The following MSI2 variants were observed in gnomAD, a reference collection of about 807,000 sequenced individuals.
MSI2 encodes musashi RNA binding protein 2.
A neutral mutation model predicts 45.6 loss-of-function variants in MSI2; 17 were observed. The observed-to-expected ratio is 0.37, with a 90% CI of 0.26 to 0.56. The LOEUF is 0.56. Among genes scored for constraint, MSI2 ranks in the 20% least tolerant of loss-of-function variants. The pLI, the probability that MSI2 is intolerant of heterozygous loss-of-function variation, is 0.77. For missense variants in MSI2, 293 were observed against 444.2 expected (o/e 0.66, Z 3.06); for synonymous variants, 156 against 158.2 (o/e 0.99, Z 0.11).
At chr17:57,428,886 T>C (rs1356811630) in intron 6 of MSI2, among the ~76,000 whole-genome samples, 1 of 152,198 alleles carries the variant, frequency 6.6e-6, no homozygotes, top group Non-Finnish European at 1.5e-5. Flanking sequence ...TCTGCTCTCC[T>C]AGTAATAATA....
At chr17:57,334,797 A>T (rs530677806) in intron 5 of MSI2, among the ~76,000 whole-genome samples, 19 of 152,060 alleles carry the variant, frequency 1.2e-4, no homozygotes, top group South Asian at 8.3e-4. Context: ...CCATCTCAAA[A>T]AAAAAAATAA....
intron 8 of MSI2, among the ~76,000 whole-genome samples, chr17:57,608,698 G>C (rs1906919776): frequency 6.6e-6 from 1 of 152,194 alleles, no homozygotes; most frequent in South Asian, 2.1e-4. Flanking sequence ...TTTTTGTCAT[G>C]GGCCCTGTTC....
At chr17:57,474,736 T>C (rs942828402) in intron 6 of MSI2, among the ~76,000 whole-genome samples, 1 of 142,432 alleles carries the variant, frequency 7.0e-6, no homozygotes, top group Non-Finnish European at 1.5e-5. Context: ...TTGTTTTTGT[T>C]TGGAGACAGT....
chr17:57,543,254 A>G (rs535157075), intron 7 of MSI2, among the ~76,000 whole-genome samples: 3 of 152,222 alleles, frequency 2.0e-5, no homozygotes, highest in African/African-American at 2.4e-5. Context: ...AACTAATGAG[A>G]ATTTTTTCTT....
chr17:57,484,572 T>G (rs1254516380), intron 6 of MSI2, among the ~76,000 whole-genome samples: 1 of 152,224 alleles, frequency 6.6e-6, no homozygotes, highest in African/African-American at 2.4e-5. Flanking sequence ...ATTAGAGAAG[T>G]GTGCCTTAAA....
chr17:57,320,073 A>G (rs941460826), intron 5 of MSI2, among the ~76,000 whole-genome samples: 13 of 151,872 alleles, frequency 8.6e-5, no homozygotes, highest in Non-Finnish European at 1.5e-4. Flanking sequence ...CTGGAATGAC[A>G]GTGCTTTCTT....
chr17:57,326,800 T>C (rs1401190145), intron 5 of MSI2, among the ~76,000 whole-genome samples: 1 of 152,210 alleles, frequency 6.6e-6, no homozygotes, highest in East Asian at 1.9e-4. Flanking sequence ...GTCATGTGGC[T>C]TGGAAGTGGA....
At chr17:57,396,038 A>T (rs1459765890) in intron 5 of MSI2, among the ~76,000 whole-genome samples, 1 of 152,202 alleles carries the variant, frequency 6.6e-6, no homozygotes, top group Non-Finnish European at 1.5e-5. Flanking sequence ...ATGAGGCATC[A>T]TCTGCAAACA....
At chr17:57,452,738 G>T (rs1236892791) in intron 6 of MSI2, among the ~76,000 whole-genome samples, 1 of 152,150 alleles carries the variant, frequency 6.6e-6, no homozygotes, top group Admixed American at 6.5e-5. Flanking sequence ...CCTAGAACAT[G>T]CCAGGAGCTG....
At chr17:57,699,555 TA>T in the MSI2 span, among the ~76,000 whole-genome samples, 1 of 152,052 alleles carries the variant, frequency 6.6e-6, no homozygotes, top group Non-Finnish European at 1.5e-5. Flanking sequence ...TATAATATTA[TA>T]CCCTTTCCCT....
intron 6 of MSI2, among the ~76,000 whole-genome samples, chr17:57,433,012 C>T (rs1472660627): frequency 1.3e-5 from 2 of 152,210 alleles, no homozygotes; most frequent in East Asian, 3.9e-4. Context: ...CTCCCTACTT[C>T]CTGCCACAGT....
chr17:57,605,433 G>A (rs1270233827), intron 8 of MSI2, among the ~76,000 whole-genome samples: 2 of 152,246 alleles, frequency 1.3e-5, no homozygotes, highest in African/African-American at 2.4e-5. Context: ...GGGCCAGGGA[G>A]GGCAGTGGTC....
the MSI2 span, among the ~76,000 whole-genome samples, chr17:57,692,841 T>C: frequency 3.3e-3 from 509 of 152,084 alleles, 7 homozygotes; most frequent in Non-Finnish European, 3.0e-3. Context: ...CTCTCTCTCT[T>C]TATCCTATCT....
At chr17:57,380,081 CGTGCTAGGGGGT>C (rs1415509237) in intron 5 of MSI2, among the ~76,000 whole-genome samples, 1 of 152,084 alleles carries the variant, frequency 6.6e-6, no homozygotes, top group African/African-American at 2.4e-5. Flanking sequence ...ACAGAGGTGC[CGTGCTAGGGGGT>C]GGGAGGAGGA....
intron 5 of MSI2, among the ~76,000 whole-genome samples, chr17:57,368,417 A>G (rs2083372104): frequency 6.6e-6 from 1 of 152,052 alleles, no homozygotes; most frequent in Non-Finnish European, 1.5e-5. Flanking sequence ...TTAGCTGGTC[A>G]TGGTGGTGGG....
chr17:57,356,373 G>A (rs796307922), intron 5 of MSI2, among the ~76,000 whole-genome samples: 32 of 152,270 alleles, frequency 2.1e-4, no homozygotes, highest in African/African-American at 6.0e-4. Context: ...GGGTGGGGAC[G>A]TCAGCAGGGA....
intron 7 of MSI2, among the ~76,000 whole-genome samples, chr17:57,590,544 T>G (rs1256157293): frequency 6.6e-6 from 1 of 152,254 alleles, no homozygotes; most frequent in African/African-American, 2.4e-5. Flanking sequence ...GCTTACTTGT[T>G]AGTTTCTAAT....
chr17:57,606,880 T>A (rs760931480), intron 8 of MSI2, among the ~76,000 whole-genome samples: 1 of 140,640 alleles, frequency 7.1e-6, no homozygotes, highest in Non-Finnish European at 1.5e-5. Context: ...GGAAGGGCTG[T>A]GTGAGGTGGG....
intron 5 of MSI2, among the ~76,000 whole-genome samples, chr17:57,293,711 C>T (rs1239305887): frequency 4.0e-5 from 6 of 150,952 alleles, no homozygotes; most frequent in Non-Finnish European, 7.4e-5. Flanking sequence ...TGGGTTCAAG[C>T]GATTCTCCTG....
Sources: allele counts gnomAD v4.1 joint callset (sites outside exome capture counted in the v4.1 genomes callset), GRCh38; gene constraint gnomAD v4.1.1; transcripts MANE v1.5; gene names NCBI Gene and HGNC (gene_info 2026-07-23, HGNC 2026-07-21).